LRP1B: variants seen among roughly 807,000 people sequenced by gnomAD.
LRP1B encodes LDL receptor related protein 1B.
LRP1B carries 217 observed loss-of-function variants against 556.6 expected under a neutral mutation model. That is an observed-to-expected ratio of 0.39 (90% confidence interval 0.35 to 0.44). The LOEUF is 0.44. LRP1B is among the 20% of genes least tolerant of loss of function. LRP1B has a pLI of 1.00. For missense variants in LRP1B, 5,053 were observed against 5,620.8 expected, an observed-to-expected ratio of 0.90 and a Z score of 3.23; for synonymous variants, 2,047 against 1,865.8, an observed-to-expected ratio of 1.10 and a Z score of -2.50.
chr2:141,319,881 T>G (rs933519386), intron 3 of LRP1B, among the ~76,000 whole-genome samples: 1 of 152,118 alleles, frequency 6.6e-6, no homozygotes, highest in African/African-American at 2.4e-5. Context: ...ACCTAAATCC[T>G]AAGCAACCAG....
In LRP1B at chr2:140,598,692, T is replaced by C; in HGVS notation, c.7133A>G (p.Tyr2378Cys). 1 of 1,613,812 alleles carries C rather than the reference T, an allele frequency of 6.2e-7. No homozygotes were observed. The highest frequency in any genetic ancestry group is 8.5e-7 in the Non-Finnish European group (1 of 1,179,824). ...TTTTCCTAGACTGCCATCTGAGAAA[T>C]ACAGCTTCTCTGCACGGTAGTCGAT... ...LTIDYRAEKL[Y>C]FSDGSLGKIE... The change falls in exon 43 of 91, where the codon TAT becomes TGT. Residue 2378 changes from tyrosine (Y) to cysteine (C), a missense_variant. Coordinates refer to ENST00000389484, the MANE Select transcript of LRP1B (RefSeq NM_018557.3).
chr2:141,254,453 T>C (rs1684385110), intron 4 of LRP1B, 69 bp downstream of exon 4: 6 of 1,517,108 alleles, frequency 4.0e-6, no homozygotes, highest in Middle Eastern at 1.7e-4. Context: ...TGCTCAAAGA[T>C]GTCTGCTTAC....
chr2:142,099,287 T>G (rs1294381808), intron 1 of LRP1B, among the ~76,000 whole-genome samples: 1 of 151,890 alleles, frequency 6.6e-6, no homozygotes, highest in Non-Finnish European at 1.5e-5. Flanking sequence ...CAGTGGGCTT[T>G]ACCTTCAAAG....
At chr2:140,517,636 A>AT (rs201574103) in intron 49 of LRP1B, among the ~76,000 whole-genome samples, 2,641 of 151,032 alleles carry the variant, frequency 0.017, 28 homozygotes, top group Non-Finnish European at 0.027. Context: ...AATTATATAT[A>AT]TTTTTTAAAT....
chr2:140,951,937 A>T lies in LRP1B; in HGVS notation c.2891T>A (p.Phe964Tyr), dbSNP rs2105303063. The change falls in exon 19 of 91, where the codon TTC becomes TAC. Residue 964 changes from phenylalanine to tyrosine, a missense_variant. Phe to Tyr is a conservative substitution (Grantham distance 22, BLOSUM62 3). This residue lies in a region of LRP1B where 3,619 missense variants were observed against 3,931.9 expected (regional missense o/e 0.92). Transcript: ENST00000389484. ...DQTDEMASCE[F>Y]PTCEPLTQFV... Reference sequence around the variant, plus strand: ...TTGGGTTAGTGGCTCACAAGTTGGGAATTCTGTGAAAGATATAAAAATGTC... The same window carrying T: ...TTGGGTTAGTGGCTCACAAGTTGGGTATTCTGTGAAAGATATAAAAATGTC... The T allele has an allele frequency of 6.2e-7, 1 of 1,610,614 alleles. No homozygotes were observed. Among genetic ancestry groups the T allele is most frequent in the Non-Finnish European group, 8.5e-7 (1 of 1,176,852 alleles).
intron 84 of LRP1B, among the ~76,000 whole-genome samples, chr2:140,291,463 C>T (rs1335112177): frequency 6.6e-6 from 1 of 151,166 alleles, no homozygotes; most frequent in East Asian, 2.0e-4. Context: ...CTCCTCACTC[C>T]CCCCACCCCA....
At chr2:141,103,250 A>T (rs1700510975) in intron 7 of LRP1B, among the ~76,000 whole-genome samples, 1 of 152,142 alleles carries the variant, frequency 6.6e-6, no homozygotes, top group East Asian at 1.9e-4. Flanking sequence ...AACATCATCC[A>T]GAGTGCAGTA....
At chr2:141,002,451 G>A (rs1697453584) in intron 15 of LRP1B, among the ~76,000 whole-genome samples, 1 of 151,922 alleles carries the variant, frequency 6.6e-6, no homozygotes, top group Non-Finnish European at 1.5e-5. Context: ...ATTGATTCCA[G>A]GATCCCTTAT....
At chr2:140,282,251 G>A (rs757709526) in intron 84 of LRP1B, among the ~76,000 whole-genome samples, 4 of 151,728 alleles carry the variant, frequency 2.6e-5, no homozygotes, top group Non-Finnish European at 5.9e-5. Flanking sequence ...TGATAATTAC[G>A]ATGTTGATAA....
chr2:140,835,596 G>C (rs1388267680), intron 31 of LRP1B, among the ~76,000 whole-genome samples: 2 of 152,126 alleles, frequency 1.3e-5, no homozygotes, highest in African/African-American at 4.8e-5. Flanking sequence ...GGAGTGCAAT[G>C]GCACGACTTT....
Position 140,782,001 on chromosome 2 carries a change from T to G in LRP1B, c.5360-5763A>C, listed in dbSNP as rs545468361. ...ACAATGTTTTGCATTCTTTTGAACT[T>G]TGTTTTTGACTGCATAATTATTACT... On this transcript the variant is annotated intron_variant, in intron 32 of 90. Coordinates refer to ENST00000389484, the MANE Select transcript of LRP1B (RefSeq NM_018557.3). Among the ~76,000 whole-genome samples, 13 of 152,342 alleles carry G rather than the reference T, an allele frequency of 8.5e-5. No homozygotes were observed. The East Asian group carries it at 2.3e-3, about 27-fold the overall frequency.
At chr2:140,772,264 T>C (rs1371883839) in intron 33 of LRP1B, among the ~76,000 whole-genome samples, 11 of 151,198 alleles carry the variant, frequency 7.3e-5, no homozygotes, top group African/African-American at 2.7e-4. Context: ...TATCAAATAA[T>C]GAAACAATTA....
intron 2 of LRP1B, among the ~76,000 whole-genome samples, chr2:141,712,731 G>A (rs1229473949): frequency 6.6e-6 from 1 of 151,674 alleles, no homozygotes; most frequent in African/African-American, 2.4e-5. Context: ...GTACAGTGGT[G>A]TGATCTTGGC....
intron 41 of LRP1B, among the ~76,000 whole-genome samples, chr2:140,655,713 C>T (rs550710851): frequency 6.6e-6 from 1 of 152,124 alleles, no homozygotes; most frequent in African/African-American, 2.4e-5. Flanking sequence ...GGGGCCGAGG[C>T]GGGTGGATCA....
chr2:141,681,382 G>C (rs1429471759), intron 2 of LRP1B, among the ~76,000 whole-genome samples: 1 of 152,018 alleles, frequency 6.6e-6, no homozygotes, highest in East Asian at 1.9e-4. Flanking sequence ...GAAAGTCTAA[G>C]TAATATGAGA....
chr2:141,426,241 C>T (rs111462434), intron 3 of LRP1B, among the ~76,000 whole-genome samples: 12,108 of 151,636 alleles, frequency 0.08, 601 homozygotes, highest in Middle Eastern at 0.13. Flanking sequence ...AGATATGCGG[C>T]GTTATTTTTG....
At chr2:140,392,161 C>T (rs1230211054) in intron 66 of LRP1B, among the ~76,000 whole-genome samples, 1 of 152,118 alleles carries the variant, frequency 6.6e-6, no homozygotes, top group East Asian at 1.9e-4. Context: ...TCAGGCAAAC[C>T]TGTCTTTCTC....
chr2:140,948,257 G>C (rs1428898375), intron 20 of LRP1B, among the ~76,000 whole-genome samples: 2 of 152,058 alleles, frequency 1.3e-5, no homozygotes, highest in Admixed American at 6.6e-5. Flanking sequence ...ACCCCACGAG[G>C]AGCCTTAAAA....
intron 2 of LRP1B, among the ~76,000 whole-genome samples, chr2:141,622,760 T>A (rs539853618): frequency 6.6e-6 from 1 of 152,200 alleles, no homozygotes; most frequent in Non-Finnish European, 1.5e-5. Flanking sequence ...TGGGATGACA[T>A]TGTGAACCTC....
Sources: allele counts gnomAD v4.1 joint callset (sites outside exome capture counted in the v4.1 genomes callset), GRCh38; gene constraint gnomAD v4.1.1; regional missense constraint gnomAD v4.1.1; transcripts MANE v1.5; gene names NCBI Gene and HGNC (gene_info 2026-07-23, HGNC 2026-07-21).